Variants in NRG1 observed in about 807,000 individuals in gnomAD.
NRG1 encodes the protein pro-neuregulin-1, membrane-bound isoform.
A neutral mutation model predicts 63.8 loss-of-function variants in NRG1; 18 were observed. The observed-to-expected ratio is 0.28, with a 90% CI of 0.19 to 0.42. The LOEUF (loss-of-function observed/expected upper bound fraction) is 0.42. Ranked by LOEUF, NRG1 falls within the 10% of genes least tolerant of loss-of-function variation. NRG1 has a pLI of 1.00. For synonymous variants in NRG1, 302 were observed against 301.3 expected, an observed-to-expected ratio of 1.00 and a Z score of -0.02; for missense variants, 762 against 814.7, an observed-to-expected ratio of 0.94 and a Z score of 0.79.
chr8:32,666,936 A>T (rs189630579), intron 5 of NRG1, among the ~76,000 whole-genome samples: 5 of 152,354 alleles, frequency 3.3e-5, no homozygotes, highest in Admixed American at 2.6e-4. Context: ...TGCAACATGC[A>T]TCAGAATGTC....
chr8:32,067,401 G>A (rs1055422981), intron 1 of NRG1, among the ~76,000 whole-genome samples: 18 of 152,142 alleles, frequency 1.2e-4, no homozygotes, highest in South Asian at 2.1e-4. Flanking sequence ...AGCATGAAGC[G>A]TTGTTGAAGT....
intron 5 of NRG1, among the ~76,000 whole-genome samples, chr8:32,673,085 C>T (rs1806131904): frequency 6.6e-6 from 1 of 152,142 alleles, no homozygotes; most frequent in African/African-American, 2.4e-5. Flanking sequence ...CAAACCAAAG[C>T]CAAAAACATA....
intron 1 of NRG1, among the ~76,000 whole-genome samples, chr8:32,242,221 A>G (rs545418178): frequency 1.6e-4 from 25 of 152,332 alleles, no homozygotes; most frequent in Admixed American, 1.4e-3. Context: ...CATGCCTGTA[A>G]TCCCAGCACT....
At chr8:31,680,451 T>A (rs1223726267) in intron 1 of NRG1, among the ~76,000 whole-genome samples, 2 of 152,044 alleles carry the variant, frequency 1.3e-5, no homozygotes, top group African/African-American at 4.8e-5. Flanking sequence ...TTCATCCATG[T>A]CCCTACAAAG....
At chr8:31,929,257 A>G (rs1563579650) in intron 1 of NRG1, among the ~76,000 whole-genome samples, 2 of 152,218 alleles carry the variant, frequency 1.3e-5, no homozygotes. Flanking sequence ...ATTATAATGC[A>G]AATAATATTC....
chr8:32,222,652 G>T (rs774091767), intron 1 of NRG1, among the ~76,000 whole-genome samples: 1 of 152,078 alleles, frequency 6.6e-6, no homozygotes, highest in Non-Finnish European at 1.5e-5. Flanking sequence ...CATTAGCTAC[G>T]GAACCTTGAT....
At chr8:31,664,721 A>G (rs931680754) in intron 1 of NRG1, among the ~76,000 whole-genome samples, 1 of 152,198 alleles carries the variant, frequency 6.6e-6, no homozygotes, top group African/African-American at 2.4e-5. Context: ...TGATCTGCAA[A>G]ATCAGGCATG....
chr8:32,681,204 T>C (rs1254834639), intron 5 of NRG1, among the ~76,000 whole-genome samples: 2 of 152,198 alleles, frequency 1.3e-5, no homozygotes, highest in Non-Finnish European at 2.9e-5. Flanking sequence ...AAATAGATTT[T>C]ATAGATAATT....
At chr8:31,887,224 C>T (rs571256534) in intron 1 of NRG1, among the ~76,000 whole-genome samples, 12 of 151,778 alleles carry the variant, frequency 7.9e-5, no homozygotes, top group Non-Finnish European at 1.3e-4. Context: ...GTGATAGAGA[C>T]CAACAATTTG....
chr8:32,025,856 G>A (rs1053218342), intron 1 of NRG1, among the ~76,000 whole-genome samples: 4 of 149,434 alleles, frequency 2.7e-5, no homozygotes, highest in African/African-American at 7.3e-5. Flanking sequence ...TGAGGCAGGA[G>A]AATGGCGTGA....
intron 1 of NRG1, among the ~76,000 whole-genome samples, chr8:32,148,636 A>C (rs188155449): frequency 2.1e-4 from 32 of 152,350 alleles, no homozygotes; most frequent in African/African-American, 7.7e-4. Flanking sequence ...AGTAATCCCA[A>C]GCCAAATGAC....
intron 1 of NRG1, among the ~76,000 whole-genome samples, chr8:31,966,729 T>A (rs993952278): frequency 6.6e-6 from 1 of 152,176 alleles, no homozygotes; most frequent in Non-Finnish European, 1.5e-5. Context: ...GAATAACCTA[T>A]GTATATTACT....
At chr8:32,429,127 G>GT (rs879543343) in intron 1 of NRG1, among the ~76,000 whole-genome samples, 28 of 149,080 alleles carry the variant, frequency 1.9e-4, no homozygotes, top group East Asian at 7.8e-4. Flanking sequence ...ATGAAGTACG[G>GT]TTTTTTTTTT....
intron 1 of NRG1, among the ~76,000 whole-genome samples, chr8:32,393,815 G>A (rs1029832229): frequency 2.0e-5 from 3 of 152,058 alleles, no homozygotes; most frequent in African/African-American, 7.2e-5. Context: ...GAAGTGGTCT[G>A]TACAACAAAC....
chr8:32,679,338 T>C (rs912209890), intron 5 of NRG1, among the ~76,000 whole-genome samples: 3 of 152,176 alleles, frequency 2.0e-5, no homozygotes, highest in African/African-American at 7.2e-5. Context: ...ATAGTACATG[T>C]TCATTTTCTA....
intron 1 of NRG1, among the ~76,000 whole-genome samples, chr8:32,257,261 C>G (rs1849833935): frequency 6.6e-6 from 1 of 152,130 alleles, no homozygotes; most frequent in Admixed American, 6.5e-5. Flanking sequence ...CACTTGGCTC[C>G]CTGACTCCAG....
intron 5 of NRG1, among the ~76,000 whole-genome samples, chr8:32,619,497 G>C (rs1441248318): frequency 1.3e-5 from 2 of 152,166 alleles, no homozygotes; most frequent in Non-Finnish European, 2.9e-5. Flanking sequence ...GGCTCACTGG[G>C]AGGAAGGGTA....
intron 1 of NRG1, among the ~76,000 whole-genome samples, chr8:32,325,814 TACTC>T (rs1420507389): frequency 6.6e-6 from 1 of 152,226 alleles, no homozygotes; most frequent in African/African-American, 2.4e-5. Flanking sequence ...TTCTAAATAT[TACTC>T]AGTATTTACT....
At chr8:32,534,032 C>G (rs1239762095) in intron 1 of NRG1, among the ~76,000 whole-genome samples, 1 of 151,996 alleles carries the variant, frequency 6.6e-6, no homozygotes, top group Non-Finnish European at 1.5e-5. Context: ...GTCACAGTGT[C>G]AGTGAGCAAA....
Sources: gnomAD v4.1 joint callset for allele counts (sites outside exome capture counted in the v4.1 genomes callset) on GRCh38, gnomAD v4.1.1 for gene constraint, MANE v1.5 for transcripts, NCBI Gene and HGNC (gene_info 2026-07-23, HGNC 2026-07-21) for gene names.